Variants in CNKSR3 observed in about 807,000 individuals in gnomAD.
CNKSR3 encodes CNKSR family member 3.
A neutral mutation model predicts 67.7 loss-of-function variants in CNKSR3; 36 were observed. That is an observed-to-expected ratio of 0.53 (90% CI 0.41 to 0.70). The LOEUF is 0.70. Among genes scored for constraint, CNKSR3 ranks in the 30% least tolerant of loss-of-function variants. The pLI is 0.00. For synonymous variants in CNKSR3, 281 were observed against 271.4 expected, an observed-to-expected ratio of 1.04 and a Z score of -0.35; for missense variants, 630 against 695.2, an observed-to-expected ratio of 0.91 and a Z score of 1.05.
intron 5 of CNKSR3, among the ~76,000 whole-genome samples, chr6:154,433,090 C>A (rs1785402358): frequency 6.6e-6 from 1 of 152,146 alleles, no homozygotes; most frequent in Non-Finnish European, 1.5e-5. Flanking sequence ...GCACATCCCC[C>A]CTCCATCATA....
At chr6:154,448,793 A>G (rs754879852) in intron 2 of CNKSR3, among the ~76,000 whole-genome samples, 10 of 152,198 alleles carry the variant, frequency 6.6e-5, no homozygotes, top group Non-Finnish European at 1.2e-4. Context: ...AAGAATACAC[A>G]CAATGCAGCA....
rs869154714 is a variant in CNKSR3, at chr6:154,470,188, C to CTTTTTT, written c.53-19936_53-19931dup. ...TGTAATAAAGAACCTACTTTCTTTCCTTTTTTTTTTTTTTTTTTTTTTTTT... is the reference window on the plus strand; with the variant it reads ...TGTAATAAAGAACCTACTTTCTTTCCTTTTTTTTTTTTTTTTTTTTTTTTTTTTTTT... On this transcript the variant is annotated intron_variant, in intron 1 of 12. Coordinates refer to ENST00000607772, the MANE Select transcript of CNKSR3 (RefSeq NM_173515.4). 2.9e-4 allele frequency among the ~76,000 whole-genome samples: 20 copies of CTTTTTT among 68,750 alleles called. 1 individual carries two copies. The highest frequency in any genetic ancestry group is 3.9e-4 in the Non-Finnish European group (15 of 38,378). 45.1% of individuals were successfully genotyped at this position (68,750 alleles called of 152,430 possible). A position where few individuals can be genotyped will look rare whatever the true frequency, so the allele number is the denominator to read the frequency against.
intron 1 of CNKSR3, among the ~76,000 whole-genome samples, chr6:154,486,086 CAA>C (rs1786659867): frequency 2.0e-5 from 3 of 152,148 alleles, no homozygotes; most frequent in Admixed American, 6.6e-5. Flanking sequence ...TATGGTAAAA[CAA>C]GAGATATGGC....
In CNKSR3 at chr6:154,507,084, A is replaced by C. The variant is rs780343296; in HGVS notation, c.52+2979T>G. Among the ~76,000 whole-genome samples, 5 of 152,180 alleles carry C rather than the reference A, an allele frequency of 3.3e-5. 1 individual carries two copies. Among genetic ancestry groups the C allele is most frequent in the African/African-American group, 4.8e-5 (2 of 41,448 alleles). ...AAATGGAAATAACTGTTCCTACCTC[A>C]AAGGTGGTGGTGCCTATTAAATGAG... On this transcript the variant is annotated intron_variant, in intron 1 of 12. Transcript: ENST00000607772.
intron 9 of CNKSR3, among the ~76,000 whole-genome samples, chr6:154,416,487 T>C (rs923494659): frequency 9.2e-5 from 14 of 152,188 alleles, no homozygotes; most frequent in African/African-American, 3.4e-4. Flanking sequence ...TCTCCAAATC[T>C]TAGAAGCAAA....
rs1006951732 is a variant in CNKSR3, at chr6:154,391,771, C to T, written c.*14583G>A. 4.6e-5 allele frequency: 7 copies of T among 152,320 alleles called. No individual in the cohort carries two copies. Among genetic ancestry groups the T allele is most frequent in the Admixed American group, 2.0e-4 (3 of 15,304 alleles). 9.4% of individuals were successfully genotyped at this position (152,320 alleles called of 1,614,324 possible). A position where few individuals can be genotyped will look rare whatever the true frequency, so the allele number is the denominator to read the frequency against. ...AGCTCTGTAGAGATTTGGGCTAATG[C>T]AACTCTCTGTCACATACCTGTAGCT... On this transcript the variant is annotated 3_prime_UTR_variant, in exon 13 of 13. Coordinates refer to ENST00000607772, the MANE Select transcript of CNKSR3 (RefSeq NM_173515.4).
chr6:154,463,673 A>G (rs1448553311), intron 1 of CNKSR3, among the ~76,000 whole-genome samples: 1 of 152,126 alleles, frequency 6.6e-6, no homozygotes, highest in African/African-American at 2.4e-5. Context: ...CCCAGATCCT[A>G]TGCTGCTTGA....
rs1342808919 is a variant in CNKSR3, at chr6:154,396,099, A to G, written c.*10255T>C. ...CTCTCCTTCAATCAAATGTTATACA[A>G]CTGCAACTGTCCTCCACGTCGCCTC... On this transcript the variant is annotated 3_prime_UTR_variant, in exon 13 of 13. Transcript: ENST00000607772. 1 of 152,236 alleles carries G rather than the reference A, an allele frequency of 6.6e-6. No homozygotes were observed. The highest frequency in any genetic ancestry group is 1.5e-5 in the Non-Finnish European group (1 of 68,062). 9.4% of individuals were successfully genotyped at this position (152,236 alleles called of 1,614,324 possible). A position where few individuals can be genotyped will look rare whatever the true frequency, so the allele number is the denominator to read the frequency against.
intron 7 of CNKSR3, among the ~76,000 whole-genome samples, chr6:154,424,582 C>T (rs577052992): frequency 6.6e-6 from 1 of 152,294 alleles, no homozygotes; most frequent in East Asian, 1.9e-4. Flanking sequence ...GTGACAGGCT[C>T]AACGGGAAAT....
chr6:154,446,454 C>G (rs1785708160), intron 2 of CNKSR3, among the ~76,000 whole-genome samples: 1 of 152,192 alleles, frequency 6.6e-6, no homozygotes, highest in Non-Finnish European at 1.5e-5. Context: ...TAAATAAGCT[C>G]ATAAGCAAGA....
chr6:154,497,025 T>C (rs1786892741), intron 1 of CNKSR3, among the ~76,000 whole-genome samples: 1 of 152,092 alleles, frequency 6.6e-6, no homozygotes, highest in Non-Finnish European at 1.5e-5. Flanking sequence ...CAAATAAGCA[T>C]TGTGAAGGCG....
At chr6:154,469,101 C>T (rs541017450) in intron 1 of CNKSR3, among the ~76,000 whole-genome samples, 2 of 152,240 alleles carry the variant, frequency 1.3e-5, no homozygotes, top group Admixed American at 6.5e-5. Context: ...TTTATTATTG[C>T]TGTTAATGAC....
Position 154,410,983 on chromosome 6 carries a change from C to A in CNKSR3, c.1230G>T (p.Val410=), listed in dbSNP as rs1784897735. ...ADSDQLPGYS[V]ETNILPTKMR... is the part of the protein sequence containing the mutation. ...TTTTTGTGGGCAGAATGTTGGTTTC[C>A]ACCGAGTACCCAGGCAACTGATCCG... is the stretch of plus-strand genomic sequence containing the variant. The change falls in exon 11 of 13, where the codon GTG becomes GTT. Residue 410 remains valine, a synonymous_variant. Coordinates refer to ENST00000607772, the MANE Select transcript of CNKSR3 (RefSeq NM_173515.4). 12 of 1,613,788 alleles carry A rather than the reference C, an allele frequency of 7.4e-6. No individual in the cohort carries two copies. The Middle Eastern group carries it at 5.0e-4, about 67-fold the overall frequency.
chr6:154,507,406 G>A (rs1368418814), intron 1 of CNKSR3, among the ~76,000 whole-genome samples: 1 of 152,162 alleles, frequency 6.6e-6, no homozygotes, highest in African/African-American at 2.4e-5. Flanking sequence ...GAGTAGCAAA[G>A]TCTACATGAA....
chr6:154,492,030 C>T (rs1786792436), intron 1 of CNKSR3, among the ~76,000 whole-genome samples: 1 of 152,158 alleles, frequency 6.6e-6, no homozygotes, highest in Non-Finnish European at 1.5e-5. Flanking sequence ...AGCTGTGTGT[C>T]CCACCAACCC....
rs1028597116 is a variant in CNKSR3, at chr6:154,495,315, A to C, written c.52+14748T>G. ...AGATTGGTATCTGTAAATTGTGCTC[A>C]CTCTTAAACCCACATAGCAGCTCCT... is the stretch of plus-strand genomic sequence containing the variant. On this transcript the variant is annotated intron_variant, in intron 1 of 12. Coordinates refer to ENST00000607772, the MANE Select transcript of CNKSR3 (RefSeq NM_173515.4). Among the ~76,000 whole-genome samples the C allele has an allele frequency of 1.2e-4, 18 of 148,998 alleles. No individual in the cohort carries two copies. In the South Asian group the frequency reaches 3.8e-3, roughly 32 times the overall value.
intron 2 of CNKSR3, among the ~76,000 whole-genome samples, chr6:154,446,073 T>C (rs1785700670): frequency 6.6e-6 from 1 of 152,200 alleles, no homozygotes; most frequent in Admixed American, 6.5e-5. Context: ...TGCTTTGAGA[T>C]AAAGCATCAA....
At chr6:154,480,401 G>C (rs1267249806) in intron 1 of CNKSR3, among the ~76,000 whole-genome samples, 1 of 152,178 alleles carries the variant, frequency 6.6e-6, no homozygotes, top group Non-Finnish European at 1.5e-5. Context: ...CCCCAGACTG[G>C]CTCTGCTTTC....
At chr6:154,467,800 C>T (rs1786235679) in intron 1 of CNKSR3, among the ~76,000 whole-genome samples, 1 of 151,894 alleles carries the variant, frequency 6.6e-6, no homozygotes, top group Non-Finnish European at 1.5e-5. Flanking sequence ...GCTCTTGTCG[C>T]CCAGGCTGGA....
Sources: allele counts gnomAD v4.1 joint callset (sites outside exome capture counted in the v4.1 genomes callset), GRCh38; gene constraint gnomAD v4.1.1; transcripts MANE v1.5; gene names NCBI Gene and HGNC (gene_info 2026-07-23, HGNC 2026-07-21).